The following FAM171A1 variants were observed in gnomAD, a reference collection of about 807,000 sequenced individuals.
The protein encoded by FAM171A1 is protein FAM171A1.
In FAM171A1, 23 loss-of-function variants were observed where a neutral mutation model predicts 74.9. That is an observed-to-expected ratio of 0.31 (90% CI 0.22 to 0.44). The LOEUF (loss-of-function observed/expected upper bound fraction) is 0.44, where lower values mean the gene tolerates loss of function less well. Among genes scored for constraint, FAM171A1 ranks in the 20% least tolerant of loss-of-function variants. FAM171A1 has a pLI of 1.00. For missense variants in FAM171A1, 1,162 were observed against 1,159.2 expected (o/e 1.00, Z -0.03); for synonymous variants, 527 against 505.7 (o/e 1.04, Z -0.57).
intron 1 of FAM171A1, among the ~76,000 whole-genome samples, chr10:15,330,600 T>A (rs1447493779): frequency 6.6e-6 from 1 of 152,070 alleles, no homozygotes. Flanking sequence ...GACACAAACG[T>A]AAATGTTACC....
At chr10:15,243,722 A>G (rs895128877) in intron 5 of FAM171A1, among the ~76,000 whole-genome samples, 2 of 152,222 alleles carry the variant, frequency 1.3e-5, no homozygotes, top group Admixed American at 1.3e-4. Flanking sequence ...CCTCTAAACA[A>G]GAGCTTAAAC....
At chr10:15,227,966 A>G (rs1834130541) in intron 5 of FAM171A1, among the ~76,000 whole-genome samples, 1 of 152,212 alleles carries the variant, frequency 6.6e-6, no homozygotes, top group African/African-American at 2.4e-5. Flanking sequence ...CTGCTTGGTT[A>G]CCAACCAGTA....
chr10:15,314,950 T>A (rs567400548), intron 1 of FAM171A1, among the ~76,000 whole-genome samples: 9 of 152,290 alleles, frequency 5.9e-5, no homozygotes, highest in South Asian at 2.1e-4. Flanking sequence ...GTGGCTGAGT[T>A]TCAGCTGAGC....
intron 2 of FAM171A1, among the ~76,000 whole-genome samples, chr10:15,281,016 G>A (rs942647876): frequency 2.0e-5 from 3 of 152,140 alleles, no homozygotes; most frequent in Admixed American, 2.0e-4. Context: ...TGGATCACGG[G>A]GGCAGTTTCT....
At chr10:15,362,769 A>G (rs1401208632) in intron 1 of FAM171A1, among the ~76,000 whole-genome samples, 2 of 152,178 alleles carry the variant, frequency 1.3e-5, no homozygotes, top group Non-Finnish European at 2.9e-5. Context: ...CAGTAGCTGA[A>G]CTTGTTTTTA....
At chr10:15,226,789 CT>C (rs779071428) in intron 5 of FAM171A1, among the ~76,000 whole-genome samples, 2 of 152,122 alleles carry the variant, frequency 1.3e-5, no homozygotes, top group Non-Finnish European at 2.9e-5. Flanking sequence ...ATACTCCCCC[CT>C]ACCCTCATGT....
At position 15,254,785 on chromosome 10, in the gene FAM171A1, G is replaced by C. The variant is rs765437683; in HGVS notation, c.513C>G (p.Ala171=). 9.9e-6 allele frequency: 16 copies of C among 1,614,042 alleles called. No homozygotes were observed. In the East Asian group the frequency reaches 1.6e-4, roughly 16 times the overall value. Residue 171 remains alanine (A), a synonymous_variant, in exon 4 of 8, where the codon GCC becomes GCG. Coordinates refer to ENST00000378116, the MANE Select transcript of FAM171A1 (RefSeq NM_001010924.2). ...SYSDLTAFLT[A]ASSPSEVDSF... is the part of the protein sequence containing the mutation. ...TGTCCACCTCCGAAGGGGAGCTGGC[G>C]GCCGTGAGAAACGCGGTCAGGTCAC... is the stretch of plus-strand genomic sequence containing the variant.
intron 1 of FAM171A1, among the ~76,000 whole-genome samples, chr10:15,298,368 A>T (rs1360718675): frequency 6.6e-6 from 1 of 152,146 alleles, no homozygotes; most frequent in African/African-American, 2.4e-5. Context: ...TCCTGACCTC[A>T]GGTGATCCGC....
upstream of FAM171A1, among the ~76,000 whole-genome samples, chr10:15,371,675 C>G (rs922314943): frequency 6.6e-6 from 1 of 152,222 alleles, no homozygotes; most frequent in African/African-American, 2.4e-5. Flanking sequence ...CCTGCAGTAC[C>G]TACGTGTTGG....
intron 1 of FAM171A1, among the ~76,000 whole-genome samples, chr10:15,306,691 C>T (rs1835300141): frequency 1.3e-5 from 2 of 152,152 alleles, no homozygotes; most frequent in Admixed American, 1.3e-4. Flanking sequence ...AATGGACTGT[C>T]ACGACCATCA....
chr10:15,248,051 A>AC (rs1834457780), intron 5 of FAM171A1, among the ~76,000 whole-genome samples: 1 of 152,030 alleles, frequency 6.6e-6, no homozygotes. Flanking sequence ...TGGATTCCTG[A>AC]CCCCCAGAAA....
At chr10:15,246,571 G>C (rs923195289) in intron 5 of FAM171A1, among the ~76,000 whole-genome samples, 5 of 152,154 alleles carry the variant, frequency 3.3e-5, no homozygotes, top group Admixed American at 6.5e-5. Context: ...ATCCAGGCTG[G>C]AGTGCAGTGA....
Position 15,240,125 on chromosome 10 carries a change from G to A in FAM171A1, c.754+8514C>T, listed in dbSNP as rs187698726. On this transcript the variant is annotated intron_variant, in intron 5 of 7. Transcript: ENST00000378116. ...TGTAATCCCAGCACTTTGGGAGGCC[G>A]AGGCAGAGGCGGATCACTTGAGGTC... is the stretch of plus-strand genomic sequence containing the variant. Among the ~76,000 whole-genome samples, 86 of 152,332 alleles carry A rather than the reference G, an allele frequency of 5.6e-4. 1 individual carries two copies. In the East Asian group the frequency reaches 0.014, roughly 25 times the overall value.
intron 1 of FAM171A1, among the ~76,000 whole-genome samples, chr10:15,286,134 G>T (rs1835032865): frequency 6.6e-6 from 1 of 152,214 alleles, no homozygotes; most frequent in Non-Finnish European, 1.5e-5. Flanking sequence ...TACTGCAATT[G>T]TGTCATTCCA....
intron 3 of FAM171A1, among the ~76,000 whole-genome samples, chr10:15,255,244 T>C (rs1476413053): frequency 6.6e-6 from 1 of 152,190 alleles, no homozygotes; most frequent in Non-Finnish European, 1.5e-5. Context: ...ATTAATCTCT[T>C]TACTCAAACA....
chr10:15,267,433 T>A (rs781766695), intron 3 of FAM171A1, among the ~76,000 whole-genome samples: 2 of 151,432 alleles, frequency 1.3e-5, no homozygotes, highest in South Asian at 2.1e-4. Flanking sequence ...TGAAACCACG[T>A]CTCTACTAAA....
At chr10:15,358,899 TG>T (rs995767996) in intron 1 of FAM171A1, among the ~76,000 whole-genome samples, 1 of 152,178 alleles carries the variant, frequency 6.6e-6, no homozygotes, top group Admixed American at 6.5e-5. Flanking sequence ...GCAGCACAGT[TG>T]GGGGGTGAAG....
chr10:15,229,861 C>T (rs1189483784), intron 5 of FAM171A1, among the ~76,000 whole-genome samples: 464 of 17,480 alleles, frequency 0.027, no homozygotes, highest in South Asian at 0.043. Context: ...ATCACCATCA[C>T]CCCCATCACC....
Position 15,211,754 on chromosome 10 carries a change from TTTTC to T in FAM171A1, c.*1157_*1160del, listed in dbSNP as rs1362267281. On this transcript the variant is annotated 3_prime_UTR_variant, in exon 8 of 8. Transcript: ENST00000378116. The stretch of plus-strand genomic sequence containing the variant: ...TGGCACTTTTGGATAGTACATAAGA[TTTTC>T]TTTTTTTTTTTTAAATTTTTTTTAA... 5 of 149,022 alleles carry T rather than the reference TTTTC, an allele frequency of 3.4e-5. No individual in the cohort carries two copies. The highest frequency in any genetic ancestry group is 5.9e-5 in the Non-Finnish European group (4 of 67,964). 9.2% of individuals were successfully genotyped at this position (149,022 alleles called of 1,614,324 possible). A position where few individuals can be genotyped will look rare whatever the true frequency, so the allele number is the denominator to read the frequency against.
Sources: allele counts gnomAD v4.1 joint callset (sites outside exome capture counted in the v4.1 genomes callset), GRCh38; gene constraint gnomAD v4.1.1; transcripts MANE v1.5; gene names NCBI Gene and HGNC (gene_info 2026-07-23, HGNC 2026-07-21).